BNC2: variants seen among roughly 807,000 people sequenced by gnomAD.
The protein encoded by BNC2 is zinc finger protein basonuclin-2.
BNC2 carries 20 observed loss-of-function variants against 76.3 expected under a neutral mutation model. The ratio of observed to expected loss-of-function variants is 0.26; its 90% CI spans 0.18 to 0.38. The LOEUF (loss-of-function observed/expected upper bound fraction) is 0.38. Ranked by LOEUF, BNC2 falls within the 10% of genes least tolerant of loss-of-function variation. The probability of loss-of-function intolerance (pLI) is 1.00; values close to 1 mark genes in which losing one functional copy is unlikely to be tolerated. For missense variants in BNC2, 1,382 were observed against 1,399.8 expected (o/e 0.99, Z 0.20); for synonymous variants, 582 against 514.8 (o/e 1.13, Z -1.77).
intron 3 of BNC2, among the ~76,000 whole-genome samples, chr9:16,671,756 G>T (rs912647368): frequency 6.6e-6 from 1 of 152,106 alleles, no homozygotes; most frequent in African/African-American, 2.4e-5. Flanking sequence ...TTCACCATAT[G>T]CCTGAACTCC....
intron 5 of BNC2, among the ~76,000 whole-genome samples, chr9:16,474,348 T>C (rs755315925): frequency 2.6e-5 from 4 of 152,212 alleles, no homozygotes; most frequent in East Asian, 1.9e-4. Context: ...GATGTGAAAA[T>C]AGGCAAGAGA....
In BNC2 at chr9:16,496,664, T is replaced by C. The variant is rs568791809; in HGVS notation, c.669+55866A>G. On this transcript the variant is annotated intron_variant, in intron 5 of 6. Coordinates refer to ENST00000380672, the MANE Select transcript of BNC2 (RefSeq NM_017637.6). ...AATATTTAATATAATTTTCATCACA[T>C]AAATATTTACAGTTTATATTTTTTC... Among the ~76,000 whole-genome samples, 266 of 152,366 alleles carry C rather than the reference T, an allele frequency of 1.7e-3. 2 individuals carry two copies. Among genetic ancestry groups the C allele is most frequent in the South Asian group, 0.012 (57 of 4,830 alleles).
At chr9:16,857,479 A>AT (rs1822420202) in intron 1 of BNC2, among the ~76,000 whole-genome samples, 1 of 84,016 alleles carries the variant, frequency 1.2e-5, no homozygotes, top group South Asian at 3.3e-4. Flanking sequence ...TCTGTCTCAA[A>AT]TAAAAAAAAA....
intron 3 of BNC2, among the ~76,000 whole-genome samples, chr9:16,633,347 A>C (rs2133766061): frequency 6.6e-6 from 1 of 152,346 alleles, no homozygotes; most frequent in East Asian, 1.9e-4. Context: ...AGCCTTAACT[A>C]GAAAAACAAC....
intron 5 of BNC2, among the ~76,000 whole-genome samples, chr9:16,490,734 A>G (rs1376351844): frequency 2.6e-5 from 4 of 152,188 alleles, no homozygotes; most frequent in Admixed American, 2.0e-4. Context: ...CCTGAAGAAG[A>G]GAAGCTACAA....
At chr9:16,476,546 CGTGT>C (rs971502745) in intron 5 of BNC2, among the ~76,000 whole-genome samples, 1 of 150,130 alleles carries the variant, frequency 6.7e-6, no homozygotes, top group African/African-American at 2.5e-5. Context: ...CTTTTTAACC[CGTGT>C]GTGTGTGTTG....
chr9:16,576,742 T>TTTG (rs559258661), intron 4 of BNC2, among the ~76,000 whole-genome samples: 4 of 152,206 alleles, frequency 2.6e-5, no homozygotes, highest in Non-Finnish European at 4.4e-5. Context: ...AACAGCTTTT[T>TTTG]TTGTTGTTGT....
rs1465557640 is a variant in BNC2, at chr9:16,787,714, T to A, written c.4-49229A>T. The stretch of plus-strand genomic sequence containing the variant: ...CCCCTCCTAGGCAAAAGGTAGATAA[T>A]ATTTTCTTTCTTCTTTGTAGAGACG... On this transcript the variant is annotated intron_variant, in intron 1 of 6. Transcript: ENST00000380672. 3.3e-5 allele frequency among the ~76,000 whole-genome samples: 5 copies of A among 152,264 alleles called. No individual in the cohort carries two copies. In the South Asian group the frequency reaches 8.3e-4, roughly 25 times the overall value.
intron 5 of BNC2, among the ~76,000 whole-genome samples, chr9:16,491,201 G>C (rs907589986): frequency 6.6e-6 from 1 of 152,122 alleles, no homozygotes; most frequent in Non-Finnish European, 1.5e-5. Context: ...AAGCCACTGA[G>C]AATCTTGAAT....
intron 3 of BNC2, among the ~76,000 whole-genome samples, chr9:16,612,566 A>C (rs1441453518): frequency 1.3e-5 from 2 of 152,202 alleles, no homozygotes; most frequent in East Asian, 3.8e-4. Flanking sequence ...CCATCAATTC[A>C]ATAAATATTT....
At chr9:16,605,255 T>C (rs1264013717) in intron 3 of BNC2, among the ~76,000 whole-genome samples, 1 of 152,254 alleles carries the variant, frequency 6.6e-6, no homozygotes, top group Non-Finnish European at 1.5e-5. Context: ...GCATATTTCA[T>C]ATATTATCTG....
intron 3 of BNC2, among the ~76,000 whole-genome samples, chr9:16,650,890 T>C (rs1490051946): frequency 6.6e-6 from 1 of 152,218 alleles, no homozygotes; most frequent in African/African-American, 2.4e-5. Flanking sequence ...TTGTAAATAT[T>C]GACATGTGCT....
intron 1 of BNC2, among the ~76,000 whole-genome samples, chr9:16,781,246 G>GATCTGAATTCAAGACCTCATGTT (rs58363689): frequency 1.3e-5 from 2 of 151,812 alleles, no homozygotes; most frequent in East Asian, 3.9e-4. Context: ...AAGGTCTGAA[G>GATCTGAATTCAAGACCTCATGTT]ATCAGGGCTG....
At chr9:16,628,877 A>G (rs567266319) in intron 3 of BNC2, among the ~76,000 whole-genome samples, 2 of 152,310 alleles carry the variant, frequency 1.3e-5, no homozygotes, top group African/African-American at 4.8e-5. Context: ...CTAGAAATTT[A>G]AGTGGAAATA....
chr9:16,845,273 A>AT (rs912952667), intron 1 of BNC2, among the ~76,000 whole-genome samples: 4 of 151,982 alleles, frequency 2.6e-5, no homozygotes, highest in Non-Finnish European at 5.9e-5. Context: ...AGAAATGGGC[A>AT]TTTTTTTAAA....
chr9:16,511,437 T>C (rs1335190536), intron 5 of BNC2, among the ~76,000 whole-genome samples: 1 of 144,934 alleles, frequency 6.9e-6, no homozygotes, highest in East Asian at 2.0e-4. Flanking sequence ...TTTTTTTTTT[T>C]TTTTTTTTGA....
chr9:16,610,458 A>G (rs7049170), intron 3 of BNC2, among the ~76,000 whole-genome samples: 146,943 of 152,284 alleles, frequency 0.96, 70,927 homozygotes, highest in African/African-American at 0.99. Flanking sequence ...GTTTGAAGGA[A>G]TGATAAACTG....
intron 3 of BNC2, among the ~76,000 whole-genome samples, chr9:16,671,103 A>C (rs1587297946): frequency 6.6e-6 from 1 of 152,126 alleles, no homozygotes; most frequent in Middle Eastern, 3.4e-3. Context: ...GAGAATGAGA[A>C]CCCATCAGTT....
intron 1 of BNC2, among the ~76,000 whole-genome samples, chr9:16,763,178 C>T (rs111241675): frequency 6.6e-6 from 1 of 152,128 alleles, no homozygotes; most frequent in African/African-American, 2.4e-5. Flanking sequence ...TAGCAAAGGG[C>T]TCCAGAGAAT....
Sources: gnomAD v4.1 joint callset for allele counts (sites outside exome capture counted in the v4.1 genomes callset) on GRCh38, gnomAD v4.1.1 for gene constraint, MANE v1.5 for transcripts, NCBI Gene and HGNC (gene_info 2026-07-23, HGNC 2026-07-21) for gene names.